Variants in SYNE2 observed in about 807,000 individuals in gnomAD.
SYNE2 encodes the protein spectrin repeat containing nuclear envelope protein 2.
SYNE2 carries 431 observed loss-of-function variants against 856.3 expected under a neutral mutation model. The observed-to-expected ratio is 0.50, with a 90% CI of 0.47 to 0.55. The LOEUF (loss-of-function observed/expected upper bound fraction) is 0.55, where lower values mean the gene tolerates loss of function less well. SYNE2 is among the 20% of genes least tolerant of loss of function. The pLI is 0.00. For synonymous variants in SYNE2, 2,923 were observed against 2,872.3 expected, an observed-to-expected ratio of 1.02 and a Z score of -0.56; for missense variants, 8,129 against 8,023.2, an observed-to-expected ratio of 1.01 and a Z score of -0.50.
At chr14:64,098,299 A>AG in intron 62 of SYNE2, 153 bp downstream of exon 62, 1 of 827,982 alleles carries the variant, frequency 1.2e-6, no homozygotes, top group Non-Finnish European at 2.0e-6. Flanking sequence ...GTTGTTTACT[A>AG]GTGAATATAA....
chr14:63,918,515 G>A (rs1017232973), intron 2 of SYNE2, among the ~76,000 whole-genome samples: 1 of 152,202 alleles, frequency 6.6e-6, no homozygotes, highest in African/African-American at 2.4e-5. Flanking sequence ...ATCAGAGATG[G>A]AATGTCTGAA....
At chr14:63,968,162 C>CA (rs1296578424) in intron 11 of SYNE2, among the ~76,000 whole-genome samples, 24 of 145,166 alleles carry the variant, frequency 1.7e-4, no homozygotes, top group African/African-American at 3.0e-4. Context: ...GACTCCGTCT[C>CA]AAAAAAAAAA....
chr14:64,126,449 G>T lies in SYNE2; in HGVS notation c.13677G>T (p.Glu4559Asp). ...EMLEMPRLYR[E>D]DGSGQQVHYE... ...TGGAGATGCCCAGACTTTACAGGGA[G>T]GATGGTTCTGGCCAGCAGGTGCACT... The change falls in exon 72 of 116, where the codon GAG becomes GAT. Residue 4559 changes from glutamate to aspartate, a missense_variant. This residue lies in a region of SYNE2 where 5,410 missense variants were observed against 5,284.8 expected (regional missense o/e 1.02). Transcript: ENST00000555002. 1 of 1,614,132 alleles carries T rather than the reference G, an allele frequency of 6.2e-7. No homozygotes were observed. Among genetic ancestry groups the T allele is most frequent in the Non-Finnish European group, 8.5e-7 (1 of 1,180,014 alleles).
intron 1 of SYNE2, among the ~76,000 whole-genome samples, chr14:63,871,018 C>CT (rs1292858915): frequency 2.0e-4 from 30 of 151,758 alleles, no homozygotes; most frequent in African/African-American, 6.8e-4. Context: ...TTTAATTTTA[C>CT]TTTTTTGTCT....
intron 2 of SYNE2, among the ~76,000 whole-genome samples, chr14:63,937,008 G>T (rs961295201): frequency 6.6e-6 from 1 of 152,180 alleles, no homozygotes; most frequent in Non-Finnish European, 1.5e-5. Flanking sequence ...TCAGGAGTCT[G>T]GTTCCTGGAA....
intron 1 of SYNE2, among the ~76,000 whole-genome samples, chr14:63,821,516 G>C (rs1249959654): frequency 6.6e-6 from 1 of 152,040 alleles, no homozygotes; most frequent in Non-Finnish European, 1.5e-5. Flanking sequence ...CGCTTTAGGA[G>C]GTTGAGGTGG....
intron 55 of SYNE2, among the ~76,000 whole-genome samples, chr14:64,079,783 A>G (rs1036143062): frequency 1.3e-5 from 2 of 152,236 alleles, no homozygotes; most frequent in African/African-American, 4.8e-5. Context: ...ATCAAAACTC[A>G]CTTCAGCCTT....
At chr14:63,922,536 C>T (rs560084033) in intron 2 of SYNE2, among the ~76,000 whole-genome samples, 6 of 152,262 alleles carry the variant, frequency 3.9e-5, no homozygotes, top group African/African-American at 1.4e-4. Context: ...GGTGCAGTGG[C>T]TCACGTGTAT....
In SYNE2 at chr14:64,121,211, G is replaced by A. The variant is rs773028917; in HGVS notation, c.13158+150G>A. The stretch of plus-strand genomic sequence containing the variant: ...TCGAGGCCAGCCTGGGCAACATAGC[G>A]AGACCCTGTTTCAAAAACCAAAAAA... On this transcript the variant is annotated intron_variant, in intron 68 of 115. Transcript: ENST00000555002. The A allele has an allele frequency of 1.7e-5, 19 of 1,109,316 alleles. No individual in the cohort carries two copies. In the Admixed American group the frequency reaches 2.3e-4, roughly 13 times the overall value. 68.7% of individuals were successfully genotyped at this position (1,109,316 alleles called of 1,614,324 possible).
intron 66 of SYNE2, among the ~76,000 whole-genome samples, chr14:64,118,647 G>A (rs1006079874): frequency 2.0e-5 from 3 of 152,114 alleles, no homozygotes; most frequent in Non-Finnish European, 4.4e-5. Flanking sequence ...CAGATCACGA[G>A]GTCAGGAGTT....
chr14:63,858,633 T>G (rs2140116193), intron 1 of SYNE2, among the ~76,000 whole-genome samples: 1 of 152,240 alleles, frequency 6.6e-6, no homozygotes, highest in South Asian at 2.1e-4. Flanking sequence ...CATTAATCCA[T>G]TAATGACAGC....
intron 45 of SYNE2, among the ~76,000 whole-genome samples, chr14:64,034,888 C>A (rs1308633210): frequency 6.6e-6 from 1 of 150,648 alleles, no homozygotes; most frequent in Admixed American, 6.6e-5. Flanking sequence ...TAAAGAGAAA[C>A]GATAAAGAGG....
At chr14:63,927,462 G>C (rs1042421219) in intron 2 of SYNE2, among the ~76,000 whole-genome samples, 1 of 152,242 alleles carries the variant, frequency 6.6e-6, no homozygotes, top group African/African-American at 2.4e-5. Context: ...GAGGGACCCA[G>C]TGGGAGATAA....
chr14:63,957,861 A>G lies in SYNE2; in HGVS notation c.787+2946A>G, dbSNP rs1484806047. Among the ~76,000 whole-genome samples, 4 of 152,182 alleles carry G rather than the reference A, an allele frequency of 2.6e-5. No individual in the cohort carries two copies. In the East Asian group the frequency reaches 7.8e-4, roughly 30 times the overall value. On this transcript the variant is annotated intron_variant, in intron 8 of 115. Transcript: ENST00000555002. ...GTGCTCTTTGGAGGGAAATCACTGC[A>G]TAGCTCAGACTTGGGAGAGTTATGC... is the stretch of plus-strand genomic sequence containing the variant.
intron 1 of SYNE2, among the ~76,000 whole-genome samples, chr14:63,770,627 C>T (rs193079997): frequency 1.3e-5 from 2 of 152,040 alleles, no homozygotes; most frequent in African/African-American, 4.8e-5. Flanking sequence ...TAGTGAGACA[C>T]TGTTTTTACC....
chr14:64,020,146 T>C lies in SYNE2; in HGVS notation c.5151+53T>C. 2.4e-6 allele frequency: 3 copies of C among 1,245,506 alleles called. No individual in the cohort carries two copies. In the South Asian group the frequency reaches 3.6e-5, roughly 15 times the overall value. The allele number at this position is 1,245,506 out of a possible 1,614,324, so 77.2% of individuals were successfully genotyped here. On this transcript the variant is annotated intron_variant, in intron 35 of 115. Transcript: ENST00000555002. ...TTATTGAGGCTTCAGTAAGCCATAATCATATCACTGCACTCCAGCCTGGGC... is the reference window on the plus strand; with the variant it reads ...TTATTGAGGCTTCAGTAAGCCATAACCATATCACTGCACTCCAGCCTGGGC...
At chr14:64,213,934 G>GGAAA (rs1486355511) in intron 105 of SYNE2, among the ~76,000 whole-genome samples, 1 of 152,162 alleles carries the variant, frequency 6.6e-6, no homozygotes, top group Non-Finnish European at 1.5e-5. Flanking sequence ...GTTTAACTTA[G>GGAAA]ATTATCAAAC....
At chr14:64,009,934 C>T in intron 31 of SYNE2, 32 bp from the exon 32 acceptor site, 4 of 1,600,152 alleles carry the variant, frequency 2.5e-6, no homozygotes, top group Admixed American at 1.7e-5. Context: ...TATTTTTGGA[C>T]ATTTAGCTAT....
At chr14:63,807,860 T>TAC (rs1272989000) in intron 1 of SYNE2, among the ~76,000 whole-genome samples, 2 of 104,562 alleles carry the variant, frequency 1.9e-5, no homozygotes, top group Non-Finnish European at 3.9e-5. Flanking sequence ...TATATATATA[T>TAC]ATATAATTTC....
Sources: allele counts gnomAD v4.1 joint callset (sites outside exome capture counted in the v4.1 genomes callset), GRCh38; gene constraint gnomAD v4.1.1; regional missense constraint gnomAD v4.1.1; transcripts MANE v1.5; gene names NCBI Gene and HGNC (gene_info 2026-07-23, HGNC 2026-07-21).